Variants in PRTFDC1 observed in about 807,000 individuals in gnomAD.
The protein encoded by PRTFDC1 is phosphoribosyltransferase domain-containing protein 1.
PRTFDC1 carries 38 observed loss-of-function variants against 34.6 expected under a neutral mutation model. The observed-to-expected ratio is 1.10, with a 90% CI of 0.85 to 1.44. PRTFDC1 has a LOEUF of 1.44. Ranked by LOEUF, PRTFDC1 falls within the 40% of genes most tolerant of loss-of-function variation. PRTFDC1 has a pLI of 0.00. For missense variants in PRTFDC1, 270 were observed against 283.0 expected (o/e 0.95, Z 0.33); for synonymous variants, 93 against 98.1 (o/e 0.95, Z 0.31).
intron 3 of PRTFDC1, among the ~76,000 whole-genome samples, chr10:24,873,044 T>C (rs1454313074): frequency 6.6e-6 from 1 of 152,030 alleles, no homozygotes; most frequent in Non-Finnish European, 1.5e-5. Flanking sequence ...CAGACTGGTC[T>C]TGAACTCCCG....
chr10:24,894,878 G>C (rs745414187), intron 3 of PRTFDC1, among the ~76,000 whole-genome samples: 1 of 152,118 alleles, frequency 6.6e-6, no homozygotes, highest in Non-Finnish European at 1.5e-5. Flanking sequence ...GCTCAGAGTG[G>C]GCATCAGGAA....
chr10:24,894,500 C>T (rs1848317451), intron 3 of PRTFDC1, among the ~76,000 whole-genome samples: 1 of 152,142 alleles, frequency 6.6e-6, no homozygotes, highest in African/African-American at 2.4e-5. Context: ...TGGGTTTTGT[C>T]TGTCACAGTC....
chr10:24,861,538 A>G (rs529608549), intron 4 of PRTFDC1, among the ~76,000 whole-genome samples: 1 of 151,808 alleles, frequency 6.6e-6, no homozygotes, highest in Non-Finnish European at 1.5e-5. Context: ...ACAAACAAAA[A>G]ACCAAATCAA....
chr10:24,932,142 T>C (rs1294072143), intron 3 of PRTFDC1, among the ~76,000 whole-genome samples: 1 of 151,754 alleles, frequency 6.6e-6, no homozygotes, highest in Non-Finnish European at 1.5e-5. Context: ...TTTAAGAAAA[T>C]ATGAAAAAAC....
intron 3 of PRTFDC1, among the ~76,000 whole-genome samples, chr10:24,885,781 T>C (rs1290588803): frequency 1.3e-5 from 2 of 152,234 alleles, no homozygotes; most frequent in South Asian, 2.1e-4. Context: ...GAATGAGCTA[T>C]GATGCATCTA....
intron 3 of PRTFDC1, among the ~76,000 whole-genome samples, chr10:24,896,163 C>A (rs1021143359): frequency 6.6e-6 from 1 of 152,150 alleles, no homozygotes; most frequent in African/African-American, 2.4e-5. Flanking sequence ...GGGAACAGGG[C>A]CACACAGCAG....
intron 3 of PRTFDC1, among the ~76,000 whole-genome samples, chr10:24,906,796 C>T (rs753547958): frequency 6.6e-6 from 1 of 152,200 alleles, no homozygotes; most frequent in Non-Finnish European, 1.5e-5. Flanking sequence ...GGCTTGAGGG[C>T]TCTGAGCTAC....
At chr10:24,855,228 A>G (rs1229433846) in intron 7 of PRTFDC1, 90 bp downstream of exon 7, 2 of 1,344,920 alleles carry the variant, frequency 1.5e-6, no homozygotes, top group East Asian at 2.4e-5. Context: ...AATGCTGTCA[A>G]ATAGGAAACC....
chr10:24,899,532 G>T (rs574545759), intron 3 of PRTFDC1, among the ~76,000 whole-genome samples: 1 of 152,188 alleles, frequency 6.6e-6, no homozygotes, highest in East Asian at 1.9e-4. Flanking sequence ...AAAACTTAGG[G>T]GGTGGGAATT....
intron 1 of PRTFDC1, among the ~76,000 whole-genome samples, chr10:24,945,227 T>C (rs558357315): frequency 8.5e-5 from 13 of 152,356 alleles, no homozygotes; most frequent in Admixed American, 7.8e-4. Context: ...TGATTCATTG[T>C]TGAATCCCTC....
At chr10:24,929,869 T>C (rs761221247) in intron 3 of PRTFDC1, among the ~76,000 whole-genome samples, 1 of 152,110 alleles carries the variant, frequency 6.6e-6, no homozygotes, top group Non-Finnish European at 1.5e-5. Context: ...AGAATAGATA[T>C]CCCAAAAGGC....
intron 3 of PRTFDC1, among the ~76,000 whole-genome samples, chr10:24,936,710 C>A (rs1849056622): frequency 6.6e-6 from 1 of 152,316 alleles, no homozygotes; most frequent in East Asian, 1.9e-4. Flanking sequence ...TTTCCTCACA[C>A]TTGGCAATGT....
intron 3 of PRTFDC1, among the ~76,000 whole-genome samples, chr10:24,924,955 G>T (rs191681339): frequency 3.4e-4 from 51 of 152,238 alleles, no homozygotes; most frequent in Admixed American, 9.8e-4. Flanking sequence ...TTGACCCAGG[G>T]ATCCCATTAC....
chr10:24,870,916 A>G (rs2132510159), intron 4 of PRTFDC1, among the ~76,000 whole-genome samples: 1 of 152,064 alleles, frequency 6.6e-6, no homozygotes, highest in South Asian at 2.1e-4. Flanking sequence ...TACTAAAAAT[A>G]CAAAAATTAC....
intron 3 of PRTFDC1, among the ~76,000 whole-genome samples, chr10:24,936,667 G>A (rs1849056125): frequency 6.6e-6 from 1 of 152,124 alleles, no homozygotes; most frequent in Non-Finnish European, 1.5e-5. Flanking sequence ...GTAAACTGGT[G>A]GAGGGGCCTT....
Position 24,952,382 on chromosome 10 carries a change from G to C in PRTFDC1, c.48+146C>G, listed in dbSNP as rs1253831853. 1 of 923,220 alleles carries C rather than the reference G, an allele frequency of 1.1e-6. No homozygotes were observed. Among genetic ancestry groups the C allele is most frequent in the Non-Finnish European group, 1.7e-6 (1 of 594,008 alleles). 57.2% of individuals were successfully genotyped at this position (923,220 alleles called of 1,614,324 possible). Reference sequence around the variant, plus strand: ...GGGCGGGGAGAGGAGGCCCGGGTCCGAGGATGGAAGCGATCCCCGCCGGGA... The same window carrying C: ...GGGCGGGGAGAGGAGGCCCGGGTCCCAGGATGGAAGCGATCCCCGCCGGGA... On this transcript the variant is annotated intron_variant, in intron 1 of 8. Coordinates refer to ENST00000320152, the MANE Select transcript of PRTFDC1 (RefSeq NM_020200.7). This position sits in a 1 kb window ranked among gnomAD's most constrained non-coding sequence, Gnocchi z 5.1.
intron 6 of PRTFDC1, 139 bp from the exon 7 acceptor site, chr10:24,855,503 G>T: frequency 1.0e-6 from 1 of 965,856 alleles, no homozygotes. Context: ...TGGATAAAAA[G>T]AAGACAGCAG....
At chr10:24,919,293 C>A (rs1848744512) in intron 3 of PRTFDC1, among the ~76,000 whole-genome samples, 1 of 151,906 alleles carries the variant, frequency 6.6e-6, no homozygotes, top group Non-Finnish European at 1.5e-5. Context: ...ACACATAGAC[C>A]AATGGAACAG....
At chr10:24,883,231 C>G (rs1281717595) in intron 3 of PRTFDC1, among the ~76,000 whole-genome samples, 1 of 151,800 alleles carries the variant, frequency 6.6e-6, no homozygotes, top group Non-Finnish European at 1.5e-5. Flanking sequence ...GCTTAACTCT[C>G]CAAACATGAT....
Sources: allele counts gnomAD v4.1 joint callset (sites outside exome capture counted in the v4.1 genomes callset), GRCh38; gene constraint gnomAD v4.1.1; non-coding constraint Gnocchi (gnomAD v3.1); transcripts MANE v1.5; gene names NCBI Gene and HGNC (gene_info 2026-07-23, HGNC 2026-07-21).